Variants in KIT observed in about 807,000 individuals in gnomAD.
KIT encodes the protein mast/stem cell growth factor receptor Kit.
KIT carries 16 observed loss-of-function variants against 105.7 expected under a neutral mutation model. The observed-to-expected ratio is 0.15, with a 90% CI of 0.10 to 0.23. The LOEUF is 0.23. KIT is among the 10% of genes least tolerant of loss of function. KIT has a pLI of 1.00. For missense variants in KIT, 858 were observed against 1,213.8 expected (o/e 0.71, Z 4.36); for synonymous variants, 438 against 441.1 (o/e 0.99, Z 0.09).
At chr4:54,734,792 T>C (rs781510846) in intron 17 of KIT, among the ~76,000 whole-genome samples, 36 of 152,352 alleles carry the variant, frequency 2.4e-4, no homozygotes, top group Non-Finnish European at 4.1e-4. Context: ...TGGCCCCTTT[T>C]AGAGCCTGGT....
rs143281855 is a variant in KIT, at chr4:54,718,512, A to G, written c.1232-5072A>G. Among the ~76,000 whole-genome samples, 51 of 152,326 alleles carry G rather than the reference A, an allele frequency of 3.3e-4. No homozygotes were observed. In the East Asian group the frequency reaches 8.1e-3, roughly 24 times the overall value. On this transcript the variant is annotated intron_variant, in intron 7 of 20. Transcript: ENST00000288135. ...TGTTAGTGTCCACAAGGAAAGTTTT[A>G]TTGAAAACAGCCATGCCTATTTGAT...
intron 4 of KIT, among the ~76,000 whole-genome samples, chr4:54,702,269 C>G (rs1341175223): frequency 6.6e-6 from 1 of 151,666 alleles, no homozygotes; most frequent in African/African-American, 2.4e-5. Context: ...AGGTACATTA[C>G]AAAAAATAAA....
chr4:54,718,041 CAG>C (rs1721613106), intron 7 of KIT, among the ~76,000 whole-genome samples: 1 of 152,138 alleles, frequency 6.6e-6, no homozygotes, highest in Non-Finnish European at 1.5e-5. Flanking sequence ...CTGTTTAGAA[CAG>C]GGGTTGGTAG....
chr4:54,681,191 A>G (rs1241988984), intron 1 of KIT, among the ~76,000 whole-genome samples: 1 of 150,484 alleles, frequency 6.6e-6, no homozygotes, highest in East Asian at 2.0e-4. Context: ...TTGGATTCCA[A>G]TCCTTAGTGC....
intron 17 of KIT, among the ~76,000 whole-genome samples, chr4:54,734,784 GC>G (rs1267775978): frequency 8.5e-5 from 13 of 152,166 alleles, no homozygotes; most frequent in African/African-American, 2.9e-4. Flanking sequence ...TCATGTCATG[GC>G]CCCTTTTAGA....
rs763308199 is a variant in KIT at position 54,729,433 on chromosome 4, C to A, written c.2089C>A (p.His697Asn). Residue 697 changes from histidine (H) to asparagine (N), a missense_variant, in exon 14 of 21, where the codon CAT becomes AAT. Physicochemically the swap from His to Asn is moderately conservative, Grantham distance 68. Transcript: ENST00000288135. The part of the protein sequence containing the change: ...DSFICSKQED[H>N]AEAALYKNLL... Reference sequence around the variant, plus strand: ...ATTTATTTGTTCAAAGCAGGAAGATCATGCAGAAGCTGCACTTTATAAGAA... The same window carrying A: ...ATTTATTTGTTCAAAGCAGGAAGATAATGCAGAAGCTGCACTTTATAAGAA... 1 of 1,613,600 alleles carries A rather than the reference C, an allele frequency of 6.2e-7. No homozygotes were observed. Among genetic ancestry groups the A allele is most frequent in the Non-Finnish European group, 8.5e-7 (1 of 1,179,780 alleles).
In KIT at chr4:54,667,673, A is replaced by G. The variant is rs563726193; in HGVS notation, c.67+9592A>G. Among the ~76,000 whole-genome samples, 9 of 152,312 alleles carry G rather than the reference A, an allele frequency of 5.9e-5. No homozygotes were observed. The South Asian group carries it at 1.9e-3, about 32-fold the overall frequency. On this transcript the variant is annotated intron_variant, in intron 1 of 20. Coordinates refer to ENST00000288135, the MANE Select transcript of KIT (RefSeq NM_000222.3). Reference sequence around the variant, plus strand: ...GAGTAGCGGAAGATGAGATGGGATAATTTTTAGGGCACCTGGATTTTTATT... The same window carrying G: ...GAGTAGCGGAAGATGAGATGGGATAGTTTTTAGGGCACCTGGATTTTTATT...
intron 14 of KIT, among the ~76,000 whole-genome samples, chr4:54,730,062 C>T (rs1048141947): frequency 3.9e-5 from 6 of 152,114 alleles, no homozygotes; most frequent in African/African-American, 1.4e-4. Context: ...GGACATTATT[C>T]TCATCTCTTT....
At chr4:54,719,758 T>C (rs554728539) in intron 7 of KIT, among the ~76,000 whole-genome samples, 3 of 152,318 alleles carry the variant, frequency 2.0e-5, no homozygotes, top group Non-Finnish European at 4.4e-5. Context: ...AAGATGTATA[T>C]TTAATGCCAA....
At chr4:54,703,693 A>ATT (rs544780604) in intron 4 of KIT, 31 bp from the exon 5 acceptor site, 1 of 1,560,056 alleles carries the variant, frequency 6.4e-7, no homozygotes, top group Non-Finnish European at 8.8e-7. Context: ...GGTAATCTTC[A>ATT]TTTTTTTTTC....
chr4:54,687,933 A>C (rs147795424), intron 1 of KIT, among the ~76,000 whole-genome samples: 1 of 152,314 alleles, frequency 6.6e-6, no homozygotes, highest in East Asian at 1.9e-4. Flanking sequence ...CCCCATGAGC[A>C]TCTAGTTCTG....
rs111624310 is a variant in KIT, at chr4:54,701,524, G to A, written c.756+1758G>A. On this transcript the variant is annotated intron_variant, in intron 4 of 20. Transcript: ENST00000288135. ...TGTTCAATACTGTTAATCTTAGTTG[G>A]TTAGCTTTCTTAATGCCTCTAAACC... Among the ~76,000 whole-genome samples the A allele has an allele frequency of 2.3e-3, 343 of 152,296 alleles. 3 individuals carry two copies. The highest frequency in any genetic ancestry group is 7.9e-3 in the African/African-American group (328 of 41,568).
rs377724954 is a variant in KIT, at chr4:54,703,682, T to C, written c.757-42T>C. The C allele has an allele frequency of 4.0e-6, 6 of 1,508,404 alleles. No homozygotes were observed. In the African/African-American group the frequency reaches 8.2e-5, roughly 21 times the overall value. The allele number at this position is 1,508,404 out of a possible 1,614,324, so 93.4% of individuals were successfully genotyped here. On this transcript the variant is annotated intron_variant, in intron 4 of 20. Transcript: ENST00000288135. ...GGAAAGATTCTGAATATAAATTATA[T>C]GGTAATCTTCATTTTTTTTTCTCCT...
In KIT at chr4:54,731,915, G is replaced by A. The variant is rs2109795338; in HGVS notation, c.2278G>A (p.Asp760Asn). 1 of 1,613,708 alleles carries A rather than the reference G, an allele frequency of 6.2e-7. No individual in the cohort carries two copies. The highest frequency in any genetic ancestry group is 8.5e-7 in the Non-Finnish European group (1 of 1,179,694). ...TGTGACTCCCGCCATCATGGAGGATGACGAGTTGGCCCTAGACTTAGAAGA... is the reference window on the plus strand; with the variant it reads ...TGTGACTCCCGCCATCATGGAGGATAACGAGTTGGCCCTAGACTTAGAAGA... ...RDVTPAIMED[D>N]ELALDLEDLL... The change falls in exon 16 of 21, where the codon GAC becomes AAC. Residue 760 changes from aspartate to asparagine, a missense_variant. This residue lies in a region of KIT where 158 missense variants were observed against 218.7 expected (regional missense o/e 0.72). Coordinates refer to ENST00000288135, the MANE Select transcript of KIT (RefSeq NM_000222.3).
intron 13 of KIT, among the ~76,000 whole-genome samples, chr4:54,728,957 C>G (rs747217529): frequency 3.3e-5 from 5 of 152,158 alleles, no homozygotes; most frequent in Non-Finnish European, 7.3e-5. Flanking sequence ...TTCATTATTT[C>G]CATAATAACG....
At chr4:54,707,395 A>G in intron 6 of KIT, 108 bp downstream of exon 6, 1 of 828,260 alleles carries the variant, frequency 1.2e-6, no homozygotes, top group East Asian at 2.6e-5. Flanking sequence ...TACCTGGTAA[A>G]GAAGAAAGTC....
chr4:54,722,004 A>C lies in KIT; in HGVS notation c.1232-1580A>C, dbSNP rs1721906998. On this transcript the variant is annotated intron_variant, in intron 7 of 20. Coordinates refer to ENST00000288135, the MANE Select transcript of KIT (RefSeq NM_000222.3). Reference sequence around the variant, plus strand: ...TAACTCAGTATTAATAGTAATAATAAATTTTATTGAGATGGAGTCCCACTC... The same window carrying C: ...TAACTCAGTATTAATAGTAATAATACATTTTATTGAGATGGAGTCCCACTC... Among the ~76,000 whole-genome samples, 3 of 152,122 alleles carry C rather than the reference A, an allele frequency of 2.0e-5. No homozygotes were observed. The South Asian group carries it at 6.2e-4, about 32-fold the overall frequency.
intron 7 of KIT, among the ~76,000 whole-genome samples, chr4:54,720,402 C>T (rs73234237): frequency 0.14 from 20,864 of 152,206 alleles, 1,569 homozygotes; most frequent in South Asian, 0.19. Context: ...CACACCGTTG[C>T]CAGCCATGGC....
intron 1 of KIT, among the ~76,000 whole-genome samples, chr4:54,678,448 C>T (rs890396673): frequency 6.7e-6 from 1 of 149,658 alleles, no homozygotes; most frequent in South Asian, 2.1e-4. Context: ...TTCTTGCTGT[C>T]AAGTGCAGTA....
Sources: allele counts gnomAD v4.1 joint callset (sites outside exome capture counted in the v4.1 genomes callset), GRCh38; gene constraint gnomAD v4.1.1; regional missense constraint gnomAD v4.1.1; transcripts MANE v1.5; gene names NCBI Gene and HGNC (gene_info 2026-07-23, HGNC 2026-07-21).